Variants in SEC24B observed in about 807,000 individuals in gnomAD.
SEC24B encodes SEC24 homolog B, COPII component, also known as protein transport protein Sec24B.
In SEC24B, 45 loss-of-function variants were observed where a neutral mutation model predicts 142.8. The ratio of observed to expected loss-of-function variants is 0.32; its 90% confidence interval spans 0.25 to 0.40. SEC24B has a LOEUF of 0.40. Among genes scored for constraint, SEC24B ranks in the 10% least tolerant of loss-of-function variants. SEC24B has a pLI of 1.00. For missense variants in SEC24B, 1,409 were observed against 1,526.8 expected, an observed-to-expected ratio of 0.92 and a Z score of 1.29; for synonymous variants, 574 against 568.2, an observed-to-expected ratio of 1.01 and a Z score of -0.15.
chr4:109,537,240 T>C (rs1276799275), intron 22 of SEC24B, among the ~76,000 whole-genome samples: 2 of 152,218 alleles, frequency 1.3e-5, no homozygotes, highest in Non-Finnish European at 2.9e-5. Context: ...TAAAATTTGA[T>C]AATAGGCAAT....
In SEC24B at chr4:109,530,303, G is replaced by A. The variant is rs201176208; in HGVS notation, c.3091G>A (p.Val1031Ile). ...TTGCTTTTTAGCTGTGGATCGGTCCGTTTCATCAAGTCTGTCAGATGCAAG... is the reference window on the plus strand; with the variant it reads ...TTGCTTTTTAGCTGTGGATCGGTCCATTTCATCAAGTCTGTCAGATGCAAG... ...LLANMAVDRS[V>I]SSSLSDARDA... The change falls in exon 19 of 24, where the codon GTT (valine) becomes ATT (isoleucine). Residue 1031 changes from valine to isoleucine, a missense_variant. Val to Ile is a conservative substitution (Grantham distance 29). Transcript: ENST00000265175. 28 of 1,612,688 alleles carry A rather than the reference G, an allele frequency of 1.7e-5. No individual in the cohort carries two copies. The highest frequency in any genetic ancestry group is 3.3e-4 in the Middle Eastern group (2 of 6,078).
At chr4:109,500,060 T>C (rs1195670793) in intron 6 of SEC24B, among the ~76,000 whole-genome samples, 1 of 152,120 alleles carries the variant, frequency 6.6e-6, no homozygotes, top group Non-Finnish European at 1.5e-5. Context: ...CAAATGTGTG[T>C]GTTTGTGTAT....
At chr4:109,470,909 T>TG (rs1405887504) in intron 2 of SEC24B, among the ~76,000 whole-genome samples, 1 of 152,138 alleles carries the variant, frequency 6.6e-6, no homozygotes, top group Non-Finnish European at 1.5e-5. Context: ...CTTATATGTG[T>TG]GGTAAACTAT....
At position 109,461,429 on chromosome 4, in the gene SEC24B, AACCCCAAGATATTC is replaced by A. The variant is rs548153384; in HGVS notation, c.134-1470_134-1457del. On this transcript the variant is annotated intron_variant, in intron 1 of 23. Coordinates refer to ENST00000265175, the MANE Select transcript of SEC24B (RefSeq NM_006323.5). ...TGACCTCATAAATATAGATTAGTTC[AACCCCAAGATATTC>A]ATCAATGGAGATTTGGTGAATAATG... Among the ~76,000 whole-genome samples, 11 of 152,348 alleles carry A rather than the reference AACCCCAAGATATTC, an allele frequency of 7.2e-5. No individual in the cohort carries two copies. In the South Asian group the frequency reaches 2.3e-3, roughly 32 times the overall value.
At chr4:109,438,438 T>A (rs1351019225) in intron 1 of SEC24B, among the ~76,000 whole-genome samples, 1 of 152,152 alleles carries the variant, frequency 6.6e-6, no homozygotes. Context: ...CATGGCTTCC[T>A]GAGTAGCTGG....
At chr4:109,445,271 T>C (rs1337649737) in intron 1 of SEC24B, among the ~76,000 whole-genome samples, 1 of 129,114 alleles carries the variant, frequency 7.7e-6, no homozygotes, top group Non-Finnish European at 1.6e-5. Flanking sequence ...TGAGACGGAG[T>C]CTTGTTCTGT....
chr4:109,535,123 T>G (rs894014518), intron 22 of SEC24B, among the ~76,000 whole-genome samples: 1 of 152,192 alleles, frequency 6.6e-6, no homozygotes, highest in Non-Finnish European at 1.5e-5. Flanking sequence ...TATGTACGAG[T>G]TTTTGTGTGA....
chr4:109,496,014 C>T (rs1231052608), intron 6 of SEC24B, among the ~76,000 whole-genome samples: 11 of 152,060 alleles, frequency 7.2e-5, no homozygotes, highest in Non-Finnish European at 2.9e-5. Flanking sequence ...ATAAACTTAG[C>T]AGTTTAACAA....
chr4:109,531,250 C>T lies in SEC24B; in HGVS notation c.3253-135C>T, dbSNP rs1724897824. On this transcript the variant is annotated intron_variant, in intron 19 of 23. Coordinates refer to ENST00000265175, the MANE Select transcript of SEC24B (RefSeq NM_006323.5). ...CCAGCATCACATACCTATTAAATGT[C>T]AGAGCTGAGAATTGAATCTAGGTCT... is the stretch of plus-strand genomic sequence containing the variant. 8 of 687,404 alleles carry T rather than the reference C, an allele frequency of 1.2e-5. No homozygotes were observed. In the South Asian group the frequency reaches 1.3e-4, roughly 11 times the overall value. The allele number at this position is 687,404 out of a possible 1,614,324, so 42.6% of individuals were successfully genotyped here. A position where few individuals can be genotyped will look rare whatever the true frequency, so the allele number is the denominator to read the frequency against.
intron 1 of SEC24B, among the ~76,000 whole-genome samples, chr4:109,453,354 C>A (rs915690827): frequency 1.3e-5 from 2 of 148,746 alleles, no homozygotes; most frequent in Admixed American, 1.4e-4. Context: ...TCCTAGCAAG[C>A]CTGGGGGTGC....
chr4:109,437,731 T>A (rs1369128413), intron 1 of SEC24B, among the ~76,000 whole-genome samples: 2 of 151,946 alleles, frequency 1.3e-5, no homozygotes, highest in African/African-American at 4.8e-5. Flanking sequence ...TTCAAGCGAT[T>A]CTCCTGCCTC....
At chr4:109,508,892 G>A (rs907484974) in intron 7 of SEC24B, among the ~76,000 whole-genome samples, 2 of 152,188 alleles carry the variant, frequency 1.3e-5, no homozygotes, top group African/African-American at 2.4e-5. Flanking sequence ...ACTGTTTTCC[G>A]TGTACTGGGG....
At position 109,496,116 on chromosome 4, in the gene SEC24B, A is replaced by AT. The variant is rs35448213; in HGVS notation, c.1488+1274dup. On this transcript the variant is annotated intron_variant, in intron 6 of 23. Coordinates refer to ENST00000265175, the MANE Select transcript of SEC24B (RefSeq NM_006323.5). ...AAAGAAAATAAAATACAGGGAAACA[A>AT]TTTTTTTTTTTTTTGAGATGGCATC... is the stretch of plus-strand genomic sequence containing the variant. Among the ~76,000 whole-genome samples the AT allele has an allele frequency of 4.8e-3, 699 of 145,678 alleles. 1 individual carries two copies. Among genetic ancestry groups the AT allele is most frequent in the Middle Eastern group, 0.018 (5 of 274 alleles).
intron 11 of SEC24B, among the ~76,000 whole-genome samples, chr4:109,518,803 C>CTTTTTT (rs770507485): frequency 1.7e-5 from 2 of 117,890 alleles, no homozygotes; most frequent in Admixed American, 8.5e-5. Context: ...ATGTTTCTGT[C>CTTTTTT]TTTTTTTTTT....
At chr4:109,512,118 A>G (rs751825100) in intron 9 of SEC24B, 35 bp downstream of exon 9, 35 of 1,528,782 alleles carry the variant, frequency 2.3e-5, no homozygotes, top group Non-Finnish European at 3.1e-5. Flanking sequence ...TTTTAATCCT[A>G]TTTTCAGGTT....
chr4:109,441,364 A>G (rs987754740), intron 1 of SEC24B, among the ~76,000 whole-genome samples: 2 of 152,226 alleles, frequency 1.3e-5, no homozygotes, highest in African/African-American at 4.8e-5. Context: ...TTTGAGAAGC[A>G]TATCAGATTA....
chr4:109,534,418 C>A (rs1725276637), intron 22 of SEC24B, among the ~76,000 whole-genome samples: 1 of 151,882 alleles, frequency 6.6e-6, no homozygotes, highest in Admixed American at 6.6e-5. Context: ...AACCCCATCT[C>A]TACTAAAAAT....
At chr4:109,517,594 G>T (rs948584053) in intron 11 of SEC24B, among the ~76,000 whole-genome samples, 13 of 152,050 alleles carry the variant, frequency 8.5e-5, no homozygotes, top group African/African-American at 3.1e-4. Flanking sequence ...GAGAATTGTT[G>T]TGTTCTCACT....
chr4:109,539,556 T>A lies in SEC24B; in HGVS notation c.3693-5T>A. On this transcript the variant is annotated splice_polypyrimidine_tract_variant and splice_region_variant and intron_variant, in intron 23 of 23. Transcript: ENST00000265175. ...TTTAGACAAATGCCCTTTTCTTTCT[T>A]CCAGAGATGAGAGTCCTGCCAAAGC... is the stretch of plus-strand genomic sequence containing the variant. 6.3e-7 allele frequency: 1 copy of A among 1,590,874 alleles called. No individual in the cohort carries two copies. The highest frequency in any genetic ancestry group is 8.6e-7 in the Non-Finnish European group (1 of 1,159,146).
Sources: gnomAD v4.1 joint callset for allele counts (sites outside exome capture counted in the v4.1 genomes callset) on GRCh38, gnomAD v4.1.1 for gene constraint, MANE v1.5 for transcripts, NCBI Gene and HGNC (gene_info 2026-07-23, HGNC 2026-07-21) for gene names.